The following PHKG2 variants were observed in gnomAD, a reference collection of about 807,000 sequenced individuals.
PHKG2 encodes phosphorylase b kinase gamma catalytic chain, liver/testis isoform.
Under a neutral mutation model 44.5 loss-of-function variants are expected in PHKG2, and 28 were observed. The ratio of observed to expected loss-of-function variants is 0.63; its 90% confidence interval spans 0.47 to 0.86. The LOEUF (loss-of-function observed/expected upper bound fraction) is 0.86. PHKG2 is among the 40% of genes least tolerant of loss of function. The pLI is 0.00. For missense variants in PHKG2, 498 were observed against 547.5 expected, an observed-to-expected ratio of 0.91 and a Z score of 0.90; for synonymous variants, 220 against 211.2, an observed-to-expected ratio of 1.04 and a Z score of -0.36.
In PHKG2 at chr16:30,757,831, G is replaced by A. The variant is rs2053483361; in HGVS notation, c.*734G>A. On this transcript the variant is annotated 3_prime_UTR_variant, in exon 10 of 10. Transcript: ENST00000563588. ...CTTGTGTGAGAGGTAGTTGGGTAGG[G>A]TGGCTATGCTGGACTTTGCAGCTTC... The A allele has an allele frequency of 6.4e-6, 9 of 1,410,892 alleles. No individual in the cohort carries two copies. Among genetic ancestry groups the A allele is most frequent in the African/African-American group, 4.3e-5 (3 of 69,004 alleles). 87.4% of individuals were successfully genotyped at this position (1,410,892 alleles called of 1,614,324 possible). A position where few individuals can be genotyped will look rare whatever the true frequency, so the allele number is the denominator to read the frequency against.
intron 4 of PHKG2, 119 bp from the exon 5 acceptor site, chr16:30,753,112 GT>G: frequency 1.2e-6 from 1 of 826,768 alleles, no homozygotes; most frequent in South Asian, 1.4e-5. Context: ...AGACCCTTTG[GT>G]TTGTCTGCAG....
chr16:30,757,319 C>T lies in PHKG2; in HGVS notation c.*222C>T. ...AACGCCACGCCTGGCCCGGTCAGTGCTGCATGCACTGCATATGAAATAAAA... is the reference window on the plus strand; with the variant it reads ...AACGCCACGCCTGGCCCGGTCAGTGTTGCATGCACTGCATATGAAATAAAA... On this transcript the variant is annotated 3_prime_UTR_variant, in exon 10 of 10. Coordinates refer to ENST00000563588, the MANE Select transcript of PHKG2 (RefSeq NM_000294.3). The T allele has an allele frequency of 6.5e-7, 1 of 1,528,656 alleles. No individual in the cohort carries two copies. Among genetic ancestry groups the T allele is most frequent in the Non-Finnish European group, 8.7e-7 (1 of 1,144,174 alleles). The allele number at this position is 1,528,656 out of a possible 1,614,324, so 94.7% of individuals were successfully genotyped here.
In PHKG2 at chr16:30,758,850, G is replaced by A. The variant is rs1417401179; in HGVS notation, c.*1753G>A. 3.2e-6 allele frequency: 4 copies of A among 1,256,010 alleles called. No individual in the cohort carries two copies. The highest frequency in any genetic ancestry group is 2.8e-5 in the Admixed American group (1 of 36,176). 77.8% of individuals were successfully genotyped at this position (1,256,010 alleles called of 1,614,324 possible). The stretch of plus-strand genomic sequence containing the variant: ...AGGTGTGAGCCACCACGCCTGGCCT[G>A]CAGCTGTGCTTTTATCTGTCATCTT... On this transcript the variant is annotated 3_prime_UTR_variant, in exon 10 of 10. Transcript: ENST00000563588.
Position 30,758,823 on chromosome 16 carries a change from A to C in PHKG2, c.*1726A>C, listed in dbSNP as rs2053545466. 2.1e-6 allele frequency: 2 copies of C among 954,560 alleles called. No homozygotes were observed. The highest frequency in any genetic ancestry group is 2.9e-5 in the Admixed American group (1 of 34,196). 59.1% of individuals were successfully genotyped at this position (954,560 alleles called of 1,614,324 possible). A position where few individuals can be genotyped will look rare whatever the true frequency, so the allele number is the denominator to read the frequency against. On this transcript the variant is annotated 3_prime_UTR_variant, in exon 10 of 10. Transcript: ENST00000563588. ...GCCTGCCTCAGATTGTGCTGGGATT[A>C]CAGGTGTGAGCCACCACGCCTGGCC...
chr16:30,756,119 T>G, intron 6 of PHKG2, 63 bp from the exon 7 acceptor site: 1 of 1,208,202 alleles, frequency 8.3e-7, no homozygotes, highest in Non-Finnish European at 1.2e-6. Flanking sequence ...CCAGCAGAGA[T>G]CCAGTGCTAA....
Position 30,756,643 on chromosome 16 carries a change from C to A in PHKG2, c.855C>A (p.Ala285=), listed in dbSNP as rs762828840. 17 of 1,613,956 alleles carry A rather than the reference C, an allele frequency of 1.1e-5. No homozygotes were observed. Among genetic ancestry groups the A allele is most frequent in the Non-Finnish European group, 1.4e-5 (17 of 1,180,036 alleles). ...DPEARLTAEQ[A]LQHPFFERCE... is the part of the protein sequence containing the mutation. Reference sequence around the variant, plus strand: ...AGGCACGCCTGACAGCTGAGCAGGCCCTACAGCACCCCTTCTTTGAGCGTT... The same window carrying A: ...AGGCACGCCTGACAGCTGAGCAGGCACTACAGCACCCCTTCTTTGAGCGTT... The change falls in exon 9 of 10, where the codon GCC becomes GCA. Residue 285 remains alanine (A), a synonymous_variant. Coordinates refer to ENST00000563588, the MANE Select transcript of PHKG2 (RefSeq NM_000294.3).
Position 30,756,365 on chromosome 16 carries a change from A to G in PHKG2, c.648-2A>G. 6.2e-7 allele frequency: 1 copy of G among 1,613,924 alleles called. No individual in the cohort carries two copies. Among genetic ancestry groups the G allele is most frequent in the Non-Finnish European group, 8.5e-7 (1 of 1,179,970 alleles). ...CCCGCCTGACTCCAGTCTCTTTCCC[A>G]GCTGGGCCTGTGGGGTGATCTTGTT... On this transcript the variant is annotated splice_acceptor_variant, in intron 7 of 9. Coordinates refer to ENST00000563588, the MANE Select transcript of PHKG2 (RefSeq NM_000294.3). LOFTEE classifies it high-confidence loss of function.
Position 30,760,559 on chromosome 16 carries a change from C to G in PHKG2, c.*3462C>G. ...TTCCTCATGTTTTCCCAACCTGACC[C>G]CTCAGCCTTTGCCAAGAGCTCTTCC... On this transcript the variant is annotated 3_prime_UTR_variant, in exon 10 of 10. Transcript: ENST00000563588. The G allele has an allele frequency of 6.3e-7, 1 of 1,582,852 alleles. No individual in the cohort carries two copies. The highest frequency in any genetic ancestry group is 1.3e-5 in the African/African-American group (1 of 74,130).
rs530811946 is a variant in PHKG2, at chr16:30,759,776, T to C, written c.*2679T>C. The C allele has an allele frequency of 6.4e-7, 1 of 1,557,360 alleles. No individual in the cohort carries two copies. Among genetic ancestry groups the C allele is most frequent in the South Asian group, 1.2e-5 (1 of 80,694 alleles). ...TGAGGCCCTCTCTGGTATCCATTCA[T>C]TCACTTCACTCAACAGCTGTTTATG... On this transcript the variant is annotated 3_prime_UTR_variant, in exon 10 of 10. Coordinates refer to ENST00000563588, the MANE Select transcript of PHKG2 (RefSeq NM_000294.3).
In PHKG2 at chr16:30,757,291, C is replaced by T. The variant is rs1061190; in HGVS notation, c.*194C>T. ...AGAGCTGGGGTGGAAGGGAGCCATT[C>T]TGAACGCCACGCCTGGCCCGGTCAG... is the stretch of plus-strand genomic sequence containing the variant. On this transcript the variant is annotated 3_prime_UTR_variant, in exon 10 of 10. Transcript: ENST00000563588. The T allele has an allele frequency of 1.3e-6, 2 of 1,540,114 alleles. No homozygotes were observed. The highest frequency in any genetic ancestry group is 1.2e-5 in the South Asian group (1 of 80,348).
Position 30,760,325 on chromosome 16 carries a change from G to A in PHKG2, c.*3228G>A, listed in dbSNP as rs536695925. On this transcript the variant is annotated 3_prime_UTR_variant, in exon 10 of 10. Coordinates refer to ENST00000563588, the MANE Select transcript of PHKG2 (RefSeq NM_000294.3). ...AAGATCCTGGAGCAGGGCACAAGCC[G>A]CTGACGTCTGCTCCAGTGAGAAGCC... 2.0e-5 allele frequency: 33 copies of A among 1,614,214 alleles called. No homozygotes were observed. In the South Asian group the frequency reaches 3.0e-4, roughly 14 times the overall value.
intron 5 of PHKG2, 26 bp from the exon 6 acceptor site, chr16:30,753,368 A>T (rs2053376901): frequency 8.1e-6 from 13 of 1,613,556 alleles, no homozygotes; most frequent in Non-Finnish European, 1.0e-5. Context: ...CGAGGAGGAG[A>T]CTGCACCCGC....
At chr16:30,754,989 A>G in intron 6 of PHKG2, 1 of 443,394 alleles carries the variant, frequency 2.3e-6, no homozygotes. Flanking sequence ...GTCAGTTTCA[A>G]TTCGGGGCTG....
chr16:30,756,683 C>A lies in PHKG2; in HGVS notation c.895C>A (p.Pro299Thr), dbSNP rs1208826696. The change falls in exon 9 of 10, where the codon CCC becomes ACC. Residue 299 changes from proline (P) to threonine (T), a missense_variant. Transcript: ENST00000563588. The part of the protein sequence containing the change: ...PFFERCEGSQ[P>T]WNLTPRQRFR... ...CTTTGAGCGTTGTGAAGGCAGCCAA[C>A]CCTGGAACCTCACCCCCCGCCAGCG... 1 of 1,614,072 alleles carries A rather than the reference C, an allele frequency of 6.2e-7. No homozygotes were observed. The highest frequency in any genetic ancestry group is 1.7e-5 in the Admixed American group (1 of 60,016).
chr16:30,757,540 T>C lies in PHKG2; in HGVS notation c.*443T>C. 2 of 1,614,262 alleles carry C rather than the reference T, an allele frequency of 1.2e-6. No homozygotes were observed. Among genetic ancestry groups the C allele is most frequent in the South Asian group, 2.2e-5 (2 of 91,088 alleles). On this transcript the variant is annotated 3_prime_UTR_variant, in exon 10 of 10. Coordinates refer to ENST00000563588, the MANE Select transcript of PHKG2 (RefSeq NM_000294.3). ...GAAGGGCCGCTCTAGTGCAGTCAAC[T>C]TGCTGCTGAGCCTTTCCTCGCTGGC... is the stretch of plus-strand genomic sequence containing the variant.
rs1476886442 is a variant in PHKG2, at chr16:30,757,536, C to T, written c.*439C>T. The stretch of plus-strand genomic sequence containing the variant: ...GCTGGAAGGGCCGCTCTAGTGCAGT[C>T]AACTTGCTGCTGAGCCTTTCCTCGC... On this transcript the variant is annotated 3_prime_UTR_variant, in exon 10 of 10. Coordinates refer to ENST00000563588, the MANE Select transcript of PHKG2 (RefSeq NM_000294.3). The T allele has an allele frequency of 6.2e-7, 1 of 1,614,256 alleles. No individual in the cohort carries two copies. The highest frequency in any genetic ancestry group is 1.7e-5 in the Admixed American group (1 of 60,024).
rs1407078346 is a variant in PHKG2, at chr16:30,758,326, C to T, written c.*1229C>T. On this transcript the variant is annotated 3_prime_UTR_variant, in exon 10 of 10. Coordinates refer to ENST00000563588, the MANE Select transcript of PHKG2 (RefSeq NM_000294.3). ...GACCTCGTGATCCGCCTGCCTCAGCCTCCCAAAGTGCTGGGATTACAGTTG... is the reference window on the plus strand; with the variant it reads ...GACCTCGTGATCCGCCTGCCTCAGCTTCCCAAAGTGCTGGGATTACAGTTG... 6.5e-6 allele frequency: 1 copy of T among 153,088 alleles called. No homozygotes were observed. Among genetic ancestry groups the T allele is most frequent in the African/African-American group, 2.4e-5 (1 of 41,388 alleles). 9.5% of individuals were successfully genotyped at this position (153,088 alleles called of 1,614,324 possible). A position where few individuals can be genotyped will look rare whatever the true frequency, so the allele number is the denominator to read the frequency against.
At position 30,757,331 on chromosome 16, in the gene PHKG2, C is replaced by T; in HGVS notation, c.*234C>T. On this transcript the variant is annotated 3_prime_UTR_variant, in exon 10 of 10. Coordinates refer to ENST00000563588, the MANE Select transcript of PHKG2 (RefSeq NM_000294.3). ...GGCCCGGTCAGTGCTGCATGCACTGCATATGAAATAAAATCTGCTACACGC... is the reference window on the plus strand; with the variant it reads ...GGCCCGGTCAGTGCTGCATGCACTGTATATGAAATAAAATCTGCTACACGC... 3.3e-6 allele frequency: 5 copies of T among 1,529,692 alleles called. No homozygotes were observed. Among genetic ancestry groups the T allele is most frequent in the East Asian group, 2.3e-5 (1 of 44,288 alleles). The allele number at this position is 1,529,692 out of a possible 1,614,324, so 94.8% of individuals were successfully genotyped here. A position where few individuals can be genotyped will look rare whatever the true frequency, so the allele number is the denominator to read the frequency against.
chr16:30,760,164 T>C lies in PHKG2; in HGVS notation c.*3067T>C. 1.9e-6 allele frequency: 3 copies of C among 1,592,470 alleles called. No homozygotes were observed. Among genetic ancestry groups the C allele is most frequent in the Non-Finnish European group, 2.6e-6 (3 of 1,175,370 alleles). ...AAAGCTGATGGCTTGTGTATGATGA[T>C]GCTACTAATAATGACATATTCCAGG... On this transcript the variant is annotated 3_prime_UTR_variant, in exon 10 of 10. Coordinates refer to ENST00000563588, the MANE Select transcript of PHKG2 (RefSeq NM_000294.3).
Sources: gnomAD v4.1 joint callset for allele counts on GRCh38, gnomAD v4.1.1 for gene constraint, MANE v1.5 for transcripts, NCBI Gene and HGNC (gene_info 2026-07-23, HGNC 2026-07-21) for gene names.